Variants in SCYL2 observed in about 807,000 individuals in gnomAD.
SCYL2 encodes the protein SCY1 like pseudokinase 2.
A neutral mutation model predicts 100.4 loss-of-function variants in SCYL2; 36 were observed. The observed-to-expected ratio is 0.36, with a 90% CI of 0.27 to 0.47. SCYL2 has a LOEUF of 0.47. SCYL2 is among the 20% of genes least tolerant of loss of function. The pLI is 1.00. For synonymous variants in SCYL2, 330 were observed against 359.2 expected (o/e 0.92, Z 0.92); for missense variants, 902 against 1,083.9 (o/e 0.83, Z 2.36).
At chr12:100,318,313 C>G (rs892896139) in intron 10 of SCYL2, among the ~76,000 whole-genome samples, 6 of 150,064 alleles carry the variant, frequency 4.0e-5, no homozygotes, top group Admixed American at 6.6e-5. Context: ...GATGCATGTG[C>G]CTTTTTCTTT....
chr12:100,314,125 A>G (rs1358557391), intron 7 of SCYL2, among the ~76,000 whole-genome samples: 2 of 152,148 alleles, frequency 1.3e-5, no homozygotes, highest in African/African-American at 4.8e-5. Context: ...TGATCTGCCT[A>G]CCTCGGCCTC....
At chr12:100,277,177 G>A (rs2096293439) in intron 1 of SCYL2, among the ~76,000 whole-genome samples, 1 of 152,130 alleles carries the variant, frequency 6.6e-6, no homozygotes, top group Non-Finnish European at 1.5e-5. Flanking sequence ...TCATTTTAGT[G>A]AATGTTACGT....
intron 1 of SCYL2, among the ~76,000 whole-genome samples, chr12:100,277,966 G>A (rs559369096): frequency 8.6e-5 from 13 of 152,016 alleles, no homozygotes; most frequent in South Asian, 4.2e-4. Flanking sequence ...AAATGATACT[G>A]TACTGCCTCA....
chr12:100,276,392 G>A (rs2135805323), intron 1 of SCYL2, among the ~76,000 whole-genome samples: 1 of 152,140 alleles, frequency 6.6e-6, no homozygotes, highest in Non-Finnish European at 1.5e-5. Flanking sequence ...GAGGAGAGTG[G>A]CACAATCATG....
intron 9 of SCYL2, among the ~76,000 whole-genome samples, 157 bp downstream of exon 9, chr12:100,315,891 C>A (rs915773741): frequency 6.6e-6 from 1 of 152,050 alleles, no homozygotes; most frequent in Non-Finnish European, 1.5e-5. Context: ...CATGTTTGAA[C>A]CAAACTATTT....
chr12:100,288,503 G>C (rs181437574), intron 2 of SCYL2, among the ~76,000 whole-genome samples: 3 of 152,150 alleles, frequency 2.0e-5, no homozygotes, highest in African/African-American at 4.8e-5. Context: ...TGGTGAAACT[G>C]CAAGAGCTAT....
intron 3 of SCYL2, among the ~76,000 whole-genome samples, chr12:100,295,104 G>T (rs1305436377): frequency 1.3e-5 from 2 of 151,632 alleles, no homozygotes; most frequent in African/African-American, 4.9e-5. Context: ...ATGATGGGCG[G>T]CCGGGCAGAG....
intron 1 of SCYL2, among the ~76,000 whole-genome samples, chr12:100,275,506 A>G (rs1364588571): frequency 1.3e-5 from 2 of 152,202 alleles, no homozygotes; most frequent in South Asian, 4.1e-4. Flanking sequence ...TAGAAATACA[A>G]TCTTTTCAAA....
chr12:100,315,936 T>G (rs533193812), intron 9 of SCYL2, among the ~76,000 whole-genome samples: 2 of 152,386 alleles, frequency 1.3e-5, no homozygotes, highest in East Asian at 3.9e-4. Context: ...GTTAAATGTC[T>G]GTAGCTCTCC....
chr12:100,329,312 T>C lies in SCYL2; in HGVS notation c.1754T>C (p.Leu585Pro). The C allele has an allele frequency of 6.7e-7, 1 of 1,490,226 alleles. No individual in the cohort carries two copies. The highest frequency in any genetic ancestry group is 1.1e-5 in the South Asian group (1 of 87,770). 92.3% of individuals were successfully genotyped at this position (1,490,226 alleles called of 1,614,324 possible). The part of the protein sequence containing the change: ...IPLSIENNLN[L>P]NQFNSFISVI... ...CTGAGTATTGAAAACAATCTTAATCTTAATCAGGTAGGAGTATTTTTGTGC... is the reference window on the plus strand; with the variant it reads ...CTGAGTATTGAAAACAATCTTAATCCTAATCAGGTAGGAGTATTTTTGTGC... Residue 585 changes from leucine (L) to proline (P), a missense_variant, in exon 13 of 18, where the codon CTT becomes CCT. Coordinates refer to ENST00000360820, the MANE Select transcript of SCYL2 (RefSeq NM_017988.6).
In SCYL2 at chr12:100,317,807, T is replaced by C; in HGVS notation, c.1277T>C (p.Leu426Ser). Residue 426 changes from leucine (L) to serine (S), a missense_variant, in exon 10 of 18, where the codon TTG becomes TCG. Leu to Ser is a moderately radical substitution (Grantham distance 145). Transcript: ENST00000360820. ...TTGTTTCCGTTTTCTAAACAGATTT[T>C]GTTAATTTTCCTACAAAAAATGGAT... is the stretch of plus-strand genomic sequence containing the variant. ...VFKQQEPIQILLIFLQKMDLL... is the reference protein window; with the variant it reads ...VFKQQEPIQISLIFLQKMDLL... 1 of 1,594,740 alleles carries C rather than the reference T, an allele frequency of 6.3e-7. No individual in the cohort carries two copies. Among genetic ancestry groups the C allele is most frequent in the Non-Finnish European group, 8.5e-7 (1 of 1,175,946 alleles).
chr12:100,315,425 A>G (rs1325913571), intron 8 of SCYL2, 133 bp from the exon 9 acceptor site: 4 of 654,264 alleles, frequency 6.1e-6, no homozygotes, highest in Non-Finnish European at 9.5e-6. Flanking sequence ...CTCTGAAAAT[A>G]TACCAGTTTC....
chr12:100,330,173 A>C (rs909326560), intron 13 of SCYL2, among the ~76,000 whole-genome samples: 11 of 152,194 alleles, frequency 7.2e-5, no homozygotes, highest in Non-Finnish European at 1.6e-4. Flanking sequence ...GGAATAATTC[A>C]ATTTGATTGG....
At chr12:100,321,862 G>A (rs1161034117) in intron 10 of SCYL2, among the ~76,000 whole-genome samples, 1 of 151,876 alleles carries the variant, frequency 6.6e-6, no homozygotes, top group African/African-American at 2.4e-5. Context: ...GGGCAACATA[G>A]TAAGACCCTG....
chr12:100,308,336 AG>A (rs1234237571), intron 4 of SCYL2, among the ~76,000 whole-genome samples: 3 of 152,220 alleles, frequency 2.0e-5, no homozygotes, highest in Non-Finnish European at 4.4e-5. Context: ...CGTCCTTTGC[AG>A]GGACGTGGAT....
chr12:100,335,791 T>C lies in SCYL2; in HGVS notation c.1930-20T>C. The C allele has an allele frequency of 6.2e-7, 1 of 1,605,414 alleles. No individual in the cohort carries two copies. The highest frequency in any genetic ancestry group is 8.5e-7 in the Non-Finnish European group (1 of 1,172,776). On this transcript the variant is annotated intron_variant, in intron 15 of 17. Coordinates refer to ENST00000360820, the MANE Select transcript of SCYL2 (RefSeq NM_017988.6). ...ATTTTTATTGAACTTATTTAAATTA[T>C]TGACATTTTTCTATTTCAGCAAATT...
At chr12:100,322,155 G>A (rs1489285887) in intron 10 of SCYL2, among the ~76,000 whole-genome samples, 4 of 150,832 alleles carry the variant, frequency 2.7e-5, no homozygotes, top group Non-Finnish European at 5.9e-5. Flanking sequence ...GGCAGATCAC[G>A]AGGTCAGGAG....
At chr12:100,283,174 G>GA (rs753464445) in intron 2 of SCYL2, 27 bp downstream of exon 2, 11 of 1,551,190 alleles carry the variant, frequency 7.1e-6, no homozygotes, top group Admixed American at 4.1e-5. Context: ...CATCCACTTG[G>GA]AAAAAACCCA....
chr12:100,295,577 CA>C (rs1376682266), intron 3 of SCYL2, among the ~76,000 whole-genome samples: 1 of 151,770 alleles, frequency 6.6e-6, no homozygotes, highest in Non-Finnish European at 1.5e-5. Flanking sequence ...CGCGTGCCTG[CA>C]ATCGCAGGCA....
Sources: allele counts gnomAD v4.1 joint callset (sites outside exome capture counted in the v4.1 genomes callset), GRCh38; gene constraint gnomAD v4.1.1; transcripts MANE v1.5; gene names NCBI Gene and HGNC (gene_info 2026-07-23, HGNC 2026-07-21).